PIK3C2G: variants seen among roughly 807,000 people sequenced by gnomAD.
The protein encoded by PIK3C2G is phosphatidylinositol 3-kinase C2 domain-containing subunit gamma.
PIK3C2G carries 168 observed loss-of-function variants against 181.1 expected under a neutral mutation model. The observed-to-expected ratio is 0.93, with a 90% CI of 0.82 to 1.05. The LOEUF is 1.05. PIK3C2G is among the 50% of genes least tolerant of loss of function. PIK3C2G has a pLI of 0.00. For missense variants in PIK3C2G, 1,869 were observed against 1,732.8 expected, an observed-to-expected ratio of 1.08 and a Z score of -1.40; for synonymous variants, 573 against 592.2, an observed-to-expected ratio of 0.97 and a Z score of 0.47.
chr12:18,432,699 A>C (rs982191747), intron 18 of PIK3C2G, among the ~76,000 whole-genome samples: 1 of 152,240 alleles, frequency 6.6e-6, no homozygotes, highest in African/African-American at 2.4e-5. Context: ...AAAGGAATAC[A>C]CTAACAGATA....
chr12:18,579,036 G>A (rs1309301223), intron 29 of PIK3C2G, among the ~76,000 whole-genome samples: 3 of 151,852 alleles, frequency 2.0e-5, no homozygotes, highest in African/African-American at 4.8e-5. Context: ...TTTTAGTTAC[G>A]TGATATATTT....
intron 31 of PIK3C2G, among the ~76,000 whole-genome samples, chr12:18,631,467 T>C (rs1949347613): frequency 1.3e-5 from 2 of 152,186 alleles, no homozygotes; most frequent in Admixed American, 6.6e-5. Context: ...ATGGATTTTC[T>C]TCTTCTGTAA....
At chr12:18,453,013 A>G (rs903939098) in intron 18 of PIK3C2G, among the ~76,000 whole-genome samples, 2 of 152,114 alleles carry the variant, frequency 1.3e-5, no homozygotes, top group Non-Finnish European at 1.5e-5. Flanking sequence ...AATAAGTCCT[A>G]TGTGGTGCTG....
At chr12:18,535,973 G>A (rs1592519671) in intron 24 of PIK3C2G, among the ~76,000 whole-genome samples, 1 of 18,774 alleles carries the variant, frequency 5.3e-5, no homozygotes, top group East Asian at 0.05. Flanking sequence ...TGGGGGAAGA[G>A]GGGTAGGGAT....
chr12:18,699,835 G>A, the PIK3C2G span: 2 of 1,613,230 alleles, frequency 1.2e-6, no homozygotes, highest in Non-Finnish European at 1.7e-6. Context: ...CTCCCCAATA[G>A]AATTATTTTC....
chr12:18,726,335 A>C, the PIK3C2G span, among the ~76,000 whole-genome samples: 1 of 152,152 alleles, frequency 6.6e-6, no homozygotes, highest in Non-Finnish European at 1.5e-5. Context: ...TGTTTAAAAA[A>C]CGTTCCTTAA....
At chr12:18,347,772 C>T (rs971175515) in intron 11 of PIK3C2G, among the ~76,000 whole-genome samples, 3 of 151,514 alleles carry the variant, frequency 2.0e-5, no homozygotes, top group Non-Finnish European at 2.9e-5. Context: ...GAACTGAGAT[C>T]GTGCCACTGC....
chr12:18,429,527 G>A (rs560691969), intron 18 of PIK3C2G, among the ~76,000 whole-genome samples: 1 of 152,074 alleles, frequency 6.6e-6, no homozygotes, highest in African/African-American at 2.4e-5. Context: ...ATGTCAAACA[G>A]CATACTGTTC....
chr12:18,255,252 T>TAAATAAGC (rs1555136296), intron 1 of PIK3C2G, among the ~76,000 whole-genome samples: 1 of 143,648 alleles, frequency 7.0e-6, no homozygotes, highest in African/African-American at 2.6e-5. Flanking sequence ...AATAAATAAA[T>TAAATAAGC]AAACAAACAA....
chr12:18,626,428 G>A (rs1488349026), intron 31 of PIK3C2G, among the ~76,000 whole-genome samples: 2 of 151,780 alleles, frequency 1.3e-5, no homozygotes, highest in Non-Finnish European at 1.5e-5. Context: ...TTGTGCCTGG[G>A]ATAATATTAC....
chr12:18,634,439 T>C (rs1949499387), intron 31 of PIK3C2G, among the ~76,000 whole-genome samples: 1 of 152,234 alleles, frequency 6.6e-6, no homozygotes, highest in South Asian at 2.1e-4. Flanking sequence ...ACGGTAGTTC[T>C]GACAGAAACT....
chr12:18,494,943 G>T (rs1940880137), intron 20 of PIK3C2G, among the ~76,000 whole-genome samples: 1 of 151,248 alleles, frequency 6.6e-6, no homozygotes, highest in Non-Finnish European at 1.5e-5. Context: ...CTTGCTTACT[G>T]AATCAATTTG....
chr12:18,695,036 T>C, the PIK3C2G span: 4 of 1,613,162 alleles, frequency 2.5e-6, no homozygotes, highest in East Asian at 6.7e-5. Context: ...ATTTCCCATT[T>C]TGCAGATCCA....
chr12:18,613,923 T>C (rs569121456), intron 31 of PIK3C2G, among the ~76,000 whole-genome samples: 1 of 152,126 alleles, frequency 6.6e-6, no homozygotes, highest in South Asian at 2.1e-4. Flanking sequence ...CAACTGAGGG[T>C]TGTGAAAATA....
chr12:18,266,013 TAAAA>T (rs61315448), intron 1 of PIK3C2G, among the ~76,000 whole-genome samples: 6,381 of 61,402 alleles, frequency 0.1, 222 homozygotes, highest in Middle Eastern at 0.16. Context: ...AGACTTCATC[TAAAA>T]AAAAAAAAAA....
At chr12:18,607,296 A>C (rs188424248) in intron 30 of PIK3C2G, 2 of 404,166 alleles carry the variant, frequency 4.9e-6, no homozygotes, top group Non-Finnish European at 9.8e-6. Flanking sequence ...CATACGAATG[A>C]AAGTATAGAA....
chr12:18,248,105 C>A (rs1442283874), intron 1 of PIK3C2G: 1 of 152,050 alleles, frequency 6.6e-6, no homozygotes, highest in African/African-American at 2.4e-5. Flanking sequence ...GAAAGAAAAA[C>A]CAATTTCTGG....
At chr12:18,398,575 G>T (rs2138112185) in intron 15 of PIK3C2G, among the ~76,000 whole-genome samples, 1 of 152,292 alleles carries the variant, frequency 6.6e-6, no homozygotes, top group Middle Eastern at 3.4e-3. Flanking sequence ...AAAAGCCATT[G>T]TCGTGTGAGG....
At chr12:18,633,052 G>A (rs1306345312) in intron 31 of PIK3C2G, among the ~76,000 whole-genome samples, 2 of 152,288 alleles carry the variant, frequency 1.3e-5, no homozygotes, top group Non-Finnish European at 2.9e-5. Flanking sequence ...AGTAAAGACA[G>A]TAATGTCATA....
Sources: gnomAD v4.1 joint callset for allele counts (sites outside exome capture counted in the v4.1 genomes callset) on GRCh38, gnomAD v4.1.1 for gene constraint, MANE v1.5 for transcripts, NCBI Gene and HGNC (gene_info 2026-07-23, HGNC 2026-07-21) for gene names.